ZNF787: variants seen among roughly 807,000 people sequenced by gnomAD.
The protein encoded by ZNF787 is zinc finger protein 787.
A neutral mutation model predicts 16.9 loss-of-function variants in ZNF787; 7 were observed. The ratio of observed to expected loss-of-function variants is 0.42; its 90% CI spans 0.24 to 0.78. The LOEUF is 0.78. Among genes scored for constraint, ZNF787 ranks in the 30% least tolerant of loss-of-function variants. The pLI is 0.30. For synonymous variants in ZNF787, 345 were observed against 270.9 expected (o/e 1.27, Z -2.69); for missense variants, 551 against 589.3 (o/e 0.94, Z 0.67).
intron 1 of ZNF787, among the ~76,000 whole-genome samples, chr19:56,117,422 G>A (rs1384798726): frequency 6.8e-6 from 1 of 147,862 alleles, no homozygotes; most frequent in Admixed American, 6.7e-5. Context: ...TTCCACAAGC[G>A]GAGTGGCTAG....
chr19:56,088,011 C>A lies in ZNF787; in HGVS notation c.*12G>T. The A allele has an allele frequency of 1.9e-6, 2 of 1,060,738 alleles. No individual in the cohort carries two copies. Among genetic ancestry groups the A allele is most frequent in the Non-Finnish European group, 2.3e-6 (2 of 876,540 alleles). The allele number at this position is 1,060,738 out of a possible 1,614,324, so 65.7% of individuals were successfully genotyped here. A position where few individuals can be genotyped will look rare whatever the true frequency, so the allele number is the denominator to read the frequency against. On this transcript the variant is annotated 3_prime_UTR_variant, in exon 3 of 3. Coordinates refer to ENST00000610935, the MANE Select transcript of ZNF787 (RefSeq NM_001002836.4). The surrounding 1 kb of genome is among the most constrained non-coding windows in gnomAD (Gnocchi z 8.6). The stretch of plus-strand genomic sequence containing the variant: ...GAGGGGCCCTGCCCGCCCCCCCCCC[C>A]GGGCCCCTCCCCTACCGGCCCTCCC...
At chr19:56,091,393 G>A (rs1985568524) in intron 2 of ZNF787, among the ~76,000 whole-genome samples, 1 of 152,236 alleles carries the variant, frequency 6.6e-6, no homozygotes, top group Admixed American at 6.5e-5. Context: ...TTGTGACACA[G>A]TGGCAGCTAA....
Position 56,088,538 on chromosome 19 carries a change from C to T in ZNF787, c.634G>A (p.Val212Met). The T allele has an allele frequency of 6.9e-7, 1 of 1,456,006 alleles. No individual in the cohort carries two copies. Among genetic ancestry groups the T allele is most frequent in the South Asian group, 1.3e-5 (1 of 75,166 alleles). 90.2% of individuals were successfully genotyped at this position (1,456,006 alleles called of 1,614,324 possible). A position where few individuals can be genotyped will look rare whatever the true frequency, so the allele number is the denominator to read the frequency against. Residue 212 changes from valine to methionine, a missense_variant, in exon 3 of 3, where the codon GTG becomes ATG. By Grantham distance (21) the Val-to-Met change is conservative (BLOSUM62 1). Coordinates refer to ENST00000610935, the MANE Select transcript of ZNF787 (RefSeq NM_001002836.4). The surrounding 1 kb of genome is among the most constrained non-coding windows in gnomAD (Gnocchi z 8.6). Reference sequence around the variant, plus strand: ...GCCCGCCGGACGCTAGCCGCCAGCACCTTGGCCGCCACGCCAGGCCCCGAC... The same window carrying T: ...GCCCGCCGGACGCTAGCCGCCAGCATCTTGGCCGCCACGCCAGGCCCCGAC... ...ELSGPGVAAK[V>M]LAASVRRAKG...
chr19:56,117,097 G>C (rs1328471096), intron 1 of ZNF787, among the ~76,000 whole-genome samples: 6 of 152,182 alleles, frequency 3.9e-5, no homozygotes, highest in Non-Finnish European at 8.8e-5. Flanking sequence ...CAAGGTGCTT[G>C]GGCTACCCGT....
At chr19:56,095,459 A>AT (rs1210922901) in intron 2 of ZNF787, among the ~76,000 whole-genome samples, 1 of 152,196 alleles carries the variant, frequency 6.6e-6, no homozygotes, top group Non-Finnish European at 1.5e-5. Context: ...CATTTTATGT[A>AT]TAAGTTTCCT....
intron 1 of ZNF787, among the ~76,000 whole-genome samples, chr19:56,120,532 C>T (rs1345989674): frequency 6.6e-6 from 1 of 152,224 alleles, no homozygotes. Flanking sequence ...ATGAATGGGC[C>T]TCCTGCCGGC....
At chr19:56,107,683 G>C (rs1386257025) in intron 1 of ZNF787, among the ~76,000 whole-genome samples, 2 of 151,986 alleles carry the variant, frequency 1.3e-5, no homozygotes, top group East Asian at 3.9e-4. Flanking sequence ...GAAAAGGGAG[G>C]GGGGTCTAGG....
At chr19:56,105,814 C>A (rs1333222219) in intron 1 of ZNF787, among the ~76,000 whole-genome samples, 2 of 152,204 alleles carry the variant, frequency 1.3e-5, no homozygotes, top group African/African-American at 4.8e-5. Context: ...AGTTTTGCGA[C>A]CCTCACCACA....
At chr19:56,120,118 C>T (rs139298318) in intron 1 of ZNF787, among the ~76,000 whole-genome samples, 204 of 152,342 alleles carry the variant, frequency 1.3e-3, no homozygotes, top group African/African-American at 4.8e-3. Flanking sequence ...ACTCTGTCGC[C>T]CGGGTCTCAG....
At chr19:56,119,810 G>A (rs1255244444) in intron 1 of ZNF787, among the ~76,000 whole-genome samples, 1 of 152,258 alleles carries the variant, frequency 6.6e-6, no homozygotes, top group Non-Finnish European at 1.5e-5. Context: ...CAGGGACTGC[G>A]CAGAGGCAGG....
intron 1 of ZNF787, among the ~76,000 whole-genome samples, chr19:56,107,513 CA>C (rs1177736038): frequency 2.6e-5 from 4 of 151,458 alleles, no homozygotes; most frequent in South Asian, 2.1e-4. Flanking sequence ...CACTGTGAGA[CA>C]ATGGGGTCAC....
chr19:56,104,939 G>T (rs1387105101), intron 1 of ZNF787, among the ~76,000 whole-genome samples: 1 of 152,158 alleles, frequency 6.6e-6, no homozygotes, highest in African/African-American at 2.4e-5. Flanking sequence ...GACCAGCCTG[G>T]CCAGCATGGC....
At chr19:56,107,057 A>G (rs1346841335) in intron 1 of ZNF787, among the ~76,000 whole-genome samples, 1 of 152,124 alleles carries the variant, frequency 6.6e-6, no homozygotes, top group African/African-American at 2.4e-5. Flanking sequence ...GTGCACAGAT[A>G]TGCCATGTGG....
At chr19:56,115,872 G>A (rs143924206) in intron 1 of ZNF787, among the ~76,000 whole-genome samples, 336 of 152,282 alleles carry the variant, frequency 2.2e-3, no homozygotes, top group African/African-American at 7.7e-3. Context: ...ATCCTTATGC[G>A]AAGGCTTCCG....
At chr19:56,101,422 G>A (rs562380781) in intron 2 of ZNF787, among the ~76,000 whole-genome samples, 1 of 152,384 alleles carries the variant, frequency 6.6e-6, no homozygotes, top group African/African-American at 2.4e-5. Context: ...CGCAGGGCCA[G>A]GGCTGGGCAG....
intron 1 of ZNF787, among the ~76,000 whole-genome samples, chr19:56,111,010 G>A (rs778532606): frequency 1.3e-5 from 2 of 152,204 alleles, no homozygotes; most frequent in Non-Finnish European, 2.9e-5. Flanking sequence ...GCCTCAAACT[G>A]CCCCCCAGAT....
rs7259983 is a variant in ZNF787 at position 56,088,545 on chromosome 19, C to T, written c.627G>A (p.Ala209=). 4,743 of 1,461,324 alleles carry T rather than the reference C, an allele frequency of 3.2e-3. 131 individuals carry two copies. In the African/African-American group the frequency reaches 0.063, roughly 19 times the overall value. The allele number at this position is 1,461,324 out of a possible 1,614,324, so 90.5% of individuals were successfully genotyped here. Reference sequence around the variant, plus strand: ...GGACGCTAGCCGCCAGCACCTTGGCCGCCACGCCAGGCCCCGACAGCTCCG... The same window carrying T: ...GGACGCTAGCCGCCAGCACCTTGGCTGCCACGCCAGGCCCCGACAGCTCCG... ...LHPELSGPGV[A]AKVLAASVRR... is the part of the protein sequence containing the mutation. The change falls in exon 3 of 3, where the codon GCG becomes GCA. Residue 209 remains alanine (A), a synonymous_variant. Coordinates refer to ENST00000610935, the MANE Select transcript of ZNF787 (RefSeq NM_001002836.4). This position sits in a 1 kb window ranked among gnomAD's most constrained non-coding sequence, Gnocchi z 8.6.
chr19:56,094,860 C>T (rs1985809340), intron 2 of ZNF787, among the ~76,000 whole-genome samples: 1 of 152,162 alleles, frequency 6.6e-6, no homozygotes, highest in Admixed American at 6.5e-5. Context: ...CCTGTAATCC[C>T]AGCACTTTGG....
chr19:56,087,933 T>A lies in ZNF787; in HGVS notation c.*90A>T. The A allele has an allele frequency of 7.8e-7, 1 of 1,287,068 alleles. No individual in the cohort carries two copies. The allele number at this position is 1,287,068 out of a possible 1,614,324, so 79.7% of individuals were successfully genotyped here. ...ATGCCGCGGGGTCCATCGCACCCCG[T>A]CCGCTTCTCCCTGGGTCTCTTGGTC... is the stretch of plus-strand genomic sequence containing the variant. On this transcript the variant is annotated 3_prime_UTR_variant, in exon 3 of 3. Coordinates refer to ENST00000610935, the MANE Select transcript of ZNF787 (RefSeq NM_001002836.4).
Sources: allele counts gnomAD v4.1 joint callset (sites outside exome capture counted in the v4.1 genomes callset), GRCh38; gene constraint gnomAD v4.1.1; non-coding constraint Gnocchi (gnomAD v3.1); transcripts MANE v1.5; gene names NCBI Gene and HGNC (gene_info 2026-07-23, HGNC 2026-07-21).